The following KCNMA1 variants were observed in gnomAD, a reference collection of about 807,000 sequenced individuals.
KCNMA1 encodes potassium calcium-activated channel subfamily M alpha 1, also known as Calcium-activated potassium channel subunit alpha-1.
A neutral mutation model predicts 140.0 loss-of-function variants in KCNMA1; 29 were observed. The ratio of observed to expected loss-of-function variants is 0.21; its 90% CI spans 0.15 to 0.28. The LOEUF (loss-of-function observed/expected upper bound fraction) is 0.28. Ranked by LOEUF, KCNMA1 falls within the 10% of genes least tolerant of loss-of-function variation. The pLI is 1.00. For synonymous variants in KCNMA1, 612 were observed against 611.9 expected, an observed-to-expected ratio of 1.00 and a Z score of 0.00; for missense variants, 880 against 1,602.2, an observed-to-expected ratio of 0.55 and a Z score of 7.70.
At chr10:77,576,725 C>T in intron 1 of KCNMA1, among the ~76,000 whole-genome samples, 1 of 152,186 alleles carries the variant, frequency 6.6e-6, no homozygotes, top group East Asian at 1.9e-4. Context: ...ATCCAGTTCC[C>T]ATCTGCAGGC....
chr10:77,003,374 G>A (rs2087164288), intron 18 of KCNMA1, among the ~76,000 whole-genome samples: 1 of 152,196 alleles, frequency 6.6e-6, no homozygotes, highest in Non-Finnish European at 1.5e-5. Context: ...AGAAGGCATG[G>A]TGTGAATGCC....
At chr10:77,264,414 CAA>C (rs2062859639) in intron 2 of KCNMA1, among the ~76,000 whole-genome samples, 1 of 152,092 alleles carries the variant, frequency 6.6e-6, no homozygotes, top group African/African-American at 2.4e-5. Context: ...CTTTTGCAAA[CAA>C]AAGAGAAGAA....
chr10:77,097,730 A>G (rs2153816548), intron 9 of KCNMA1, among the ~76,000 whole-genome samples: 1 of 152,364 alleles, frequency 6.6e-6, no homozygotes, highest in East Asian at 1.9e-4. Context: ...AGGTTCAGCA[A>G]TAAGATAATT....
chr10:77,383,295 C>T (rs186977784), intron 2 of KCNMA1, among the ~76,000 whole-genome samples: 114 of 151,814 alleles, frequency 7.5e-4, no homozygotes, highest in African/African-American at 2.6e-3. Context: ...GGCTTAGGAC[C>T]GACCTGTGAC....
intron 24 of KCNMA1, 37 bp from the exon 25 acceptor site, chr10:76,910,133 C>G: frequency 6.2e-7 from 1 of 1,611,474 alleles, no homozygotes. Flanking sequence ...GCTCTGAAGA[C>G]CACACACAGG....
intron 1 of KCNMA1, among the ~76,000 whole-genome samples, chr10:77,524,361 G>C (rs1001459438): frequency 6.6e-6 from 1 of 152,184 alleles, no homozygotes; most frequent in Non-Finnish European, 1.5e-5. Flanking sequence ...CCATCCCCAC[G>C]GTAAGAGAAG....
chr10:76,887,252 G>T lies in KCNMA1; in HGVS notation c.*14C>A, dbSNP rs201814837. ...GGCAGATACAGTTTCACACAGTGGC[G>T]GTGGATACACATATCAAAGCCGCTC... On this transcript the variant is annotated 3_prime_UTR_variant, in exon 28 of 28. Coordinates refer to ENST00000286628, the MANE Select transcript of KCNMA1 (RefSeq NM_001161352.2). The T allele has an allele frequency of 6.2e-7, 1 of 1,613,952 alleles. No individual in the cohort carries two copies.
chr10:76,986,641 T>C (rs1206694749), intron 19 of KCNMA1, among the ~76,000 whole-genome samples: 1 of 152,242 alleles, frequency 6.6e-6, no homozygotes, highest in African/African-American at 2.4e-5. Context: ...GCTTGTGTAT[T>C]AGTCCAGTGA....
At chr10:77,461,746 C>A (rs967651784) in intron 1 of KCNMA1, among the ~76,000 whole-genome samples, 1 of 152,202 alleles carries the variant, frequency 6.6e-6, no homozygotes. Context: ...GGCCCAGGCA[C>A]GCTCCAGATG....
intron 2 of KCNMA1, among the ~76,000 whole-genome samples, chr10:77,270,290 A>G (rs909952288): frequency 1.3e-5 from 2 of 152,108 alleles, no homozygotes; most frequent in African/African-American, 2.4e-5. Flanking sequence ...GTTCCCACCA[A>G]TCTCTATCCA....
chr10:77,276,758 A>G (rs1600929263), intron 2 of KCNMA1, among the ~76,000 whole-genome samples: 1 of 152,306 alleles, frequency 6.6e-6, no homozygotes, highest in African/African-American at 2.4e-5. Context: ...TATAATAGCC[A>G]AACACACTAC....
chr10:76,884,248 T>G (rs1257007826), downstream of KCNMA1: 1 of 152,142 alleles, frequency 6.6e-6, no homozygotes, highest in East Asian at 1.9e-4. Context: ...GATAACTGGG[T>G]GTGGGCTACT....
chr10:77,270,793 AGC>A (rs981512261), intron 2 of KCNMA1, among the ~76,000 whole-genome samples: 1 of 152,014 alleles, frequency 6.6e-6, no homozygotes. Flanking sequence ...GCCTGGCCCA[AGC>A]GCTCTTTTTA....
At chr10:77,372,561 T>C (rs1266064400) in intron 2 of KCNMA1, among the ~76,000 whole-genome samples, 1 of 152,212 alleles carries the variant, frequency 6.6e-6, no homozygotes, top group African/African-American at 2.4e-5. Flanking sequence ...TGCTCTTGCC[T>C]GCCACAGCCA....
At position 77,404,039 on chromosome 10, in the gene KCNMA1, G is replaced by A. The variant is rs201594796; in HGVS notation, c.379-16C>T. On this transcript the variant is annotated splice_polypyrimidine_tract_variant and intron_variant, in intron 1 of 27. Transcript: ENST00000286628. ...TCTGGGCCTCCTGGCAACAGAGAGA[G>A]CAAGAGTTAAGACATAGGGAACAAT... 3.7e-6 allele frequency: 6 copies of A among 1,613,442 alleles called. No individual in the cohort carries two copies. Among genetic ancestry groups the A allele is most frequent in the Non-Finnish European group, 5.1e-6 (6 of 1,179,516 alleles).
At chr10:76,893,227 A>G (rs990396110) in intron 25 of KCNMA1, among the ~76,000 whole-genome samples, 1 of 152,176 alleles carries the variant, frequency 6.6e-6, no homozygotes, top group African/African-American at 2.4e-5. Flanking sequence ...TGACCTACCC[A>G]TGAAGCACTT....
intron 9 of KCNMA1, among the ~76,000 whole-genome samples, chr10:77,102,010 A>G (rs2097108833): frequency 6.6e-6 from 1 of 152,232 alleles, no homozygotes; most frequent in Non-Finnish European, 1.5e-5. Flanking sequence ...TGGACTTCCC[A>G]ACCACTTAGG....
At chr10:77,161,142 A>T (rs555953661) in intron 5 of KCNMA1, among the ~76,000 whole-genome samples, 4 of 152,308 alleles carry the variant, frequency 2.6e-5, no homozygotes, top group Middle Eastern at 3.4e-3. Context: ...CAGATGTGGG[A>T]TAAGGAAATA....
At chr10:77,396,278 C>A (rs538240155) in intron 2 of KCNMA1, among the ~76,000 whole-genome samples, 23 of 151,822 alleles carry the variant, frequency 1.5e-4, no homozygotes, top group African/African-American at 5.6e-4. Flanking sequence ...CATAGATTTG[C>A]CTAAAATATA....
Sources: gnomAD v4.1 joint callset for allele counts (sites outside exome capture counted in the v4.1 genomes callset) on GRCh38, gnomAD v4.1.1 for gene constraint, MANE v1.5 for transcripts, NCBI Gene and HGNC (gene_info 2026-07-23, HGNC 2026-07-21) for gene names.